TMCC1: variants seen among roughly 807,000 people sequenced by gnomAD.
TMCC1 encodes the protein transmembrane and coiled-coil domain family 1.
Under a neutral mutation model 52.4 loss-of-function variants are expected in TMCC1, and 15 were observed. The ratio of observed to expected loss-of-function variants is 0.29; its 90% confidence interval spans 0.19 to 0.44. The LOEUF is 0.44. Among genes scored for constraint, TMCC1 ranks in the 20% least tolerant of loss-of-function variants. TMCC1 has a pLI of 1.00. For synonymous variants in TMCC1, 279 were observed against 301.9 expected (o/e 0.92, Z 0.79); for missense variants, 503 against 806.0 (o/e 0.62, Z 4.55).
chr3:129,862,466 T>G (rs1372117826), intron 2 of TMCC1, among the ~76,000 whole-genome samples: 3 of 152,116 alleles, frequency 2.0e-5, no homozygotes, highest in Non-Finnish European at 4.4e-5. Flanking sequence ...TTCCTGTAAA[T>G]CCGAAACTTC....
chr3:129,714,528 T>C (rs2048924830), intron 4 of TMCC1, among the ~76,000 whole-genome samples: 1 of 152,188 alleles, frequency 6.6e-6, no homozygotes, highest in African/African-American at 2.4e-5. Flanking sequence ...AATATAAAGG[T>C]AGGCCCATTT....
At chr3:129,784,985 A>T (rs1233304330) in intron 4 of TMCC1, among the ~76,000 whole-genome samples, 2 of 151,866 alleles carry the variant, frequency 1.3e-5, no homozygotes, top group Non-Finnish European at 2.9e-5. Flanking sequence ...CATCTCTTTT[A>T]AAAAAAACAA....
intron 4 of TMCC1, among the ~76,000 whole-genome samples, chr3:129,768,808 A>G (rs947618299): frequency 6.6e-6 from 1 of 152,246 alleles, no homozygotes; most frequent in Non-Finnish European, 1.5e-5. Context: ...CTCTGTCTCT[A>G]GAAACTATGA....
intron 4 of TMCC1, among the ~76,000 whole-genome samples, chr3:129,760,021 C>T (rs2053394762): frequency 6.7e-6 from 1 of 150,066 alleles, no homozygotes; most frequent in African/African-American, 2.5e-5. Context: ...GCACCCGGCC[C>T]AAAAAAATTT....
chr3:129,707,265 A>G (rs543336085), intron 4 of TMCC1, among the ~76,000 whole-genome samples: 50 of 152,214 alleles, frequency 3.3e-4, no homozygotes, highest in Non-Finnish European at 6.0e-4. Context: ...AGCATAAATC[A>G]TATCACCTCA....
At chr3:129,693,503 A>ATT (rs11433105) in intron 4 of TMCC1, among the ~76,000 whole-genome samples, 3,435 of 121,938 alleles carry the variant, frequency 0.028, 166 homozygotes, top group South Asian at 0.042. Context: ...CCAAGATTGA[A>ATT]TTTTTTTTTT....
At chr3:129,753,162 A>C (rs1241579558) in intron 4 of TMCC1, among the ~76,000 whole-genome samples, 1 of 152,242 alleles carries the variant, frequency 6.6e-6, no homozygotes, top group East Asian at 1.9e-4. Context: ...ATATAAAATA[A>C]GTAGCCAAAT....
intron 5 of TMCC1, among the ~76,000 whole-genome samples, chr3:129,660,546 A>G (rs982683760): frequency 2.0e-5 from 3 of 152,168 alleles, no homozygotes; most frequent in African/African-American, 7.2e-5. Flanking sequence ...TTCCTATGAC[A>G]TCACAGAAAT....
chr3:129,752,322 T>C (rs1439609826), intron 4 of TMCC1, among the ~76,000 whole-genome samples: 2 of 152,196 alleles, frequency 1.3e-5, no homozygotes, highest in African/African-American at 4.8e-5. Flanking sequence ...TTTTTGATGA[T>C]TGATTACATG....
intron 4 of TMCC1, among the ~76,000 whole-genome samples, chr3:129,729,542 T>G (rs925716707): frequency 6.6e-6 from 1 of 152,188 alleles, no homozygotes; most frequent in Admixed American, 6.6e-5. Flanking sequence ...GATGAAAATA[T>G]TGGCCAGGCA....
intron 4 of TMCC1, among the ~76,000 whole-genome samples, chr3:129,770,875 A>G (rs946111390): frequency 1.3e-5 from 2 of 152,236 alleles, no homozygotes; most frequent in African/African-American, 4.8e-5. Flanking sequence ...GTTAGGTTAA[A>G]ATGAAATTAA....
rs903161711 is a variant in TMCC1, at chr3:129,778,678, G to GGC, written c.576+49124_576+49125insGC. Among the ~76,000 whole-genome samples the GGC allele has an allele frequency of 2.5e-4, 38 of 151,224 alleles. 1 individual carries two copies. The highest frequency in any genetic ancestry group is 6.4e-4 in the South Asian group (3 of 4,708). The stretch of plus-strand genomic sequence containing the variant: ...TGGAAGGTGATTAGATCATGGTGGG[G>GGC]GGGGGGCAGTCTCCCCATGCTGTTC... On this transcript the variant is annotated intron_variant, in intron 4 of 6. Transcript: ENST00000393238.
chr3:129,821,078 T>G (rs1210354060), intron 4 of TMCC1, among the ~76,000 whole-genome samples: 1 of 152,230 alleles, frequency 6.6e-6, no homozygotes, highest in Non-Finnish European at 1.5e-5. Context: ...CTTATGTGTT[T>G]TAGGAAAATT....
chr3:129,738,014 T>C (rs1275107135), intron 4 of TMCC1, among the ~76,000 whole-genome samples: 1 of 152,074 alleles, frequency 6.6e-6, no homozygotes, highest in Non-Finnish European at 1.5e-5. Flanking sequence ...TTCACGCCTG[T>C]AATCCCAGCA....
intron 2 of TMCC1, among the ~76,000 whole-genome samples, chr3:129,848,919 C>T (rs1196936666): frequency 6.6e-6 from 1 of 151,888 alleles, no homozygotes; most frequent in Non-Finnish European, 1.5e-5. Context: ...ATTGTTGGTC[C>T]TTGAGCAAAT....
intron 4 of TMCC1, among the ~76,000 whole-genome samples, chr3:129,821,642 T>C (rs1350331700): frequency 6.6e-6 from 1 of 152,204 alleles, no homozygotes; most frequent in Non-Finnish European, 1.5e-5. Context: ...TCTTTCTTAC[T>C]ATAACTCTGC....
At chr3:129,864,282 G>A (rs2060525000) in intron 2 of TMCC1, among the ~76,000 whole-genome samples, 1 of 152,128 alleles carries the variant, frequency 6.6e-6, no homozygotes, top group South Asian at 2.1e-4. Context: ...TAAGAGACTT[G>A]CCTAAGATCT....
intron 5 of TMCC1, among the ~76,000 whole-genome samples, chr3:129,667,908 G>A (rs1224552046): frequency 1.3e-5 from 2 of 152,044 alleles, no homozygotes; most frequent in African/African-American, 2.4e-5. Context: ...AGGAGTTGAC[G>A]GGGTATGGTG....
chr3:129,850,837 G>C (rs2059884894), intron 2 of TMCC1, among the ~76,000 whole-genome samples: 1 of 152,232 alleles, frequency 6.6e-6, no homozygotes, highest in African/African-American at 2.4e-5. Context: ...ACGAAGGGAT[G>C]GGCCGAAATA....
Sources: allele counts gnomAD v4.1 joint callset (sites outside exome capture counted in the v4.1 genomes callset), GRCh38; gene constraint gnomAD v4.1.1; transcripts MANE v1.5; gene names NCBI Gene and HGNC (gene_info 2026-07-23, HGNC 2026-07-21).